Variants in ALDH1A3 observed in about 807,000 individuals in gnomAD.
ALDH1A3 encodes retinaldehyde dehydrogenase 3.
A neutral mutation model predicts 57.5 loss-of-function variants in ALDH1A3; 28 were observed. The ratio of observed to expected loss-of-function variants is 0.49; its 90% confidence interval spans 0.36 to 0.67. ALDH1A3 has a LOEUF of 0.67. ALDH1A3 is among the 30% of genes least tolerant of loss of function. The pLI is 0.00. For missense variants in ALDH1A3, 507 were observed against 669.4 expected, an observed-to-expected ratio of 0.76 and a Z score of 2.68; for synonymous variants, 281 against 264.8, an observed-to-expected ratio of 1.06 and a Z score of -0.59.
intron 1 of ALDH1A3, among the ~76,000 whole-genome samples, chr15:100,883,348 C>T (rs1019792645): frequency 6.6e-6 from 1 of 152,226 alleles, no homozygotes; most frequent in African/African-American, 2.4e-5. Context: ...CAAGTGATGA[C>T]TTGCTGGATG....
In ALDH1A3 at chr15:100,907,261, A is replaced by G. The variant is rs372614738; in HGVS notation, c.1374A>G (p.Leu458=). ...LDKALKLASA[L]ESGTVWINCY... Reference sequence around the variant, plus strand: ...AAGCCCTGAAGTTGGCTTCTGCCTTAGAGTCTGGAACGGTCTGGTGAGTTG... The same window carrying G: ...AAGCCCTGAAGTTGGCTTCTGCCTTGGAGTCTGGAACGGTCTGGTGAGTTG... The change falls in exon 11 of 13, where the codon TTA becomes TTG. Residue 458 remains leucine (L), a synonymous_variant. Coordinates refer to ENST00000329841, the MANE Select transcript of ALDH1A3 (RefSeq NM_000693.4). 97 of 1,614,130 alleles carry G rather than the reference A, an allele frequency of 6.0e-5. No homozygotes were observed. Among genetic ancestry groups the G allele is most frequent in the Non-Finnish European group, 7.2e-5 (85 of 1,180,038 alleles).
At chr15:100,912,884 C>T (rs1244717573) in intron 12 of ALDH1A3, among the ~76,000 whole-genome samples, 1 of 102,042 alleles carries the variant, frequency 9.8e-6, no homozygotes, top group African/African-American at 3.5e-5. Flanking sequence ...GTCGGCCGGG[C>T]GCGGTGGCTC....
At chr15:100,898,008 T>C in intron 7 of ALDH1A3, 75 bp from the exon 8 acceptor site, 2 of 1,415,288 alleles carry the variant, frequency 1.4e-6, no homozygotes, top group Non-Finnish European at 2.0e-6. Flanking sequence ...TTGATCAGAA[T>C]GTTCACTGAT....
intron 12 of ALDH1A3, among the ~76,000 whole-genome samples, chr15:100,910,615 G>C (rs1488733990): frequency 6.6e-6 from 1 of 152,242 alleles, no homozygotes; most frequent in Non-Finnish European, 1.5e-5. Flanking sequence ...AATGCTGGCA[G>C]CTTAGTCCTT....
Position 100,905,565 on chromosome 15 carries a change from A to T in ALDH1A3, c.1111A>T (p.Ser371Cys). The T allele has an allele frequency of 6.2e-7, 1 of 1,614,166 alleles. No individual in the cohort carries two copies. The highest frequency in any genetic ancestry group is 8.5e-7 in the Non-Finnish European group (1 of 1,180,014). The change falls in exon 10 of 13, where the codon AGT becomes TGT. Residue 371 changes from serine to cysteine, a missense_variant. Ser to Cys is a moderately radical substitution (Grantham distance 112). Around this residue, in one of 2 missense-constraint regions of ALDH1A3, gnomAD observed 432 missense variants for 608.4 expected, o/e 0.71. Coordinates refer to ENST00000329841, the MANE Select transcript of ALDH1A3 (RefSeq NM_000693.4). Reference sequence around the variant, plus strand: ...CGACAAAATCTTAGAGCTGATCGAGAGTGGGAAGAAGGAAGGGGCCAAGCT... The same window carrying T: ...CGACAAAATCTTAGAGCTGATCGAGTGTGGGAAGAAGGAAGGGGCCAAGCT... ...QFDKILELIE[S>C]GKKEGAKLEC...
chr15:100,887,053 A>G lies in ALDH1A3; in HGVS notation c.205-519A>G, dbSNP rs560054614. 5.2e-4 allele frequency among the ~76,000 whole-genome samples: 79 copies of G among 152,360 alleles called. No individual in the cohort carries two copies. The highest frequency in any genetic ancestry group is 8.8e-4 in the Non-Finnish European group (60 of 68,030). On this transcript the variant is annotated intron_variant, in intron 2 of 12. Transcript: ENST00000329841. The surrounding 1 kb of genome is among the most constrained non-coding windows in gnomAD (Gnocchi z 4.6). Reference sequence around the variant, plus strand: ...CCCTGAGAAAAATACTCTTTAGGAAATATTTTTAAATGCTTTTTATAATCA... The same window carrying G: ...CCCTGAGAAAAATACTCTTTAGGAAGTATTTTTAAATGCTTTTTATAATCA...
At chr15:100,902,127 T>A (rs2041775443) in intron 9 of ALDH1A3, among the ~76,000 whole-genome samples, 2 of 152,222 alleles carry the variant, frequency 1.3e-5, no homozygotes, top group African/African-American at 2.4e-5. Context: ...CTGATCCCCA[T>A]ACAGAAGAAA....
chr15:100,887,432 G>T lies in ALDH1A3; in HGVS notation c.205-140G>T, dbSNP rs937724073. ...CACTTCAAAAGATGACACCCAAACT[G>T]CAGTCACGTCAAAAGATGACACCCA... On this transcript the variant is annotated intron_variant, in intron 2 of 12. Transcript: ENST00000329841. The surrounding 1 kb of genome is among the most constrained non-coding windows in gnomAD (Gnocchi z 4.6). 2.1e-6 allele frequency: 2 copies of T among 964,862 alleles called. No homozygotes were observed. Among genetic ancestry groups the T allele is most frequent in the Non-Finnish European group, 3.0e-6 (2 of 669,862 alleles). 59.8% of individuals were successfully genotyped at this position (964,862 alleles called of 1,614,324 possible).
Position 100,906,863 on chromosome 15 carries a change from C to T in ALDH1A3, c.1234-258C>T, listed in dbSNP as rs894609701. Among the ~76,000 whole-genome samples, 2 of 152,202 alleles carry T rather than the reference C, an allele frequency of 1.3e-5. No individual in the cohort carries two copies. The highest frequency in any genetic ancestry group is 2.9e-5 in the Non-Finnish European group (2 of 68,050). On this transcript the variant is annotated intron_variant, in intron 10 of 12. Coordinates refer to ENST00000329841, the MANE Select transcript of ALDH1A3 (RefSeq NM_000693.4). This position sits in a 1 kb window ranked among gnomAD's most constrained non-coding sequence, Gnocchi z 4.8. ...CTGGGTTTCTCGGAAACCCTGATGA[C>T]AACAAGACATCTTAAACACAACATA...
At chr15:100,888,259 C>T (rs865816955) in intron 3 of ALDH1A3, among the ~76,000 whole-genome samples, 3 of 151,928 alleles carry the variant, frequency 2.0e-5, no homozygotes, top group African/African-American at 2.4e-5. Flanking sequence ...CCACCATGCC[C>T]GGCTAATTTT....
At chr15:100,883,936 A>T (rs1298073584) in intron 1 of ALDH1A3, among the ~76,000 whole-genome samples, 1 of 152,218 alleles carries the variant, frequency 6.6e-6, no homozygotes, top group Non-Finnish European at 1.5e-5. Context: ...CCCTTGAGGG[A>T]CGCAATTCTT....
rs1233913523 is a variant in ALDH1A3 at position 100,893,686 on chromosome 15, A to C, written c.538-268A>C. Reference sequence around the variant, plus strand: ...TGCCCATGGAGGCAGGGAGGAGGACACGTCTTCAGCAGATGTTTTAGAGGG... The same window carrying C: ...TGCCCATGGAGGCAGGGAGGAGGACCCGTCTTCAGCAGATGTTTTAGAGGG... On this transcript the variant is annotated intron_variant, in intron 5 of 12. Transcript: ENST00000329841. This position sits in a 1 kb window ranked among gnomAD's most constrained non-coding sequence, Gnocchi z 4.8. 2.9e-6 allele frequency: 1 copy of C among 342,488 alleles called. No individual in the cohort carries two copies. The highest frequency in any genetic ancestry group is 2.1e-5 in the African/African-American group (1 of 47,860). 21.2% of individuals were successfully genotyped at this position (342,488 alleles called of 1,614,324 possible).
At chr15:100,907,053 A>C in intron 10 of ALDH1A3, 68 bp from the exon 11 acceptor site, 43 of 1,539,828 alleles carry the variant, frequency 2.8e-5, no homozygotes, top group Non-Finnish European at 3.7e-5. Flanking sequence ...AGAGAAGGAA[A>C]TGCTTGTTCA....
In ALDH1A3 at chr15:100,914,806, A is replaced by G. The variant is rs754919104; in HGVS notation, c.*33A>G. On this transcript the variant is annotated 3_prime_UTR_variant, in exon 13 of 13. Coordinates refer to ENST00000329841, the MANE Select transcript of ALDH1A3 (RefSeq NM_000693.4). ...GCGGGGCTCCTTCCTCAAACATCGGACGGCGGAATGTGGCAGATGAAATGT... is the reference window on the plus strand; with the variant it reads ...GCGGGGCTCCTTCCTCAAACATCGGGCGGCGGAATGTGGCAGATGAAATGT... 1 of 1,603,862 alleles carries G rather than the reference A, an allele frequency of 6.2e-7. No individual in the cohort carries two copies. Among genetic ancestry groups the G allele is most frequent in the East Asian group, 2.2e-5 (1 of 44,848 alleles).
At chr15:100,914,150 T>G (rs2041908450) in intron 12 of ALDH1A3, 1 of 153,170 alleles carries the variant, frequency 6.5e-6, no homozygotes, top group Non-Finnish European at 1.5e-5. Flanking sequence ...CTGGCCTCAC[T>G]GCCTGACAGC....
At chr15:100,902,310 CCTT>C (rs2041778335) in intron 9 of ALDH1A3, among the ~76,000 whole-genome samples, 3 of 152,318 alleles carry the variant, frequency 2.0e-5, no homozygotes, top group Middle Eastern at 3.4e-3. Context: ...CGCTCAAAGT[CCTT>C]CTGAAAGCTC....
chr15:100,913,470 C>G (rs2041902343), intron 12 of ALDH1A3: 1 of 152,216 alleles, frequency 6.6e-6, no homozygotes, highest in South Asian at 2.1e-4. Flanking sequence ...AGCACTGCTG[C>G]TCTCTGAACC....
rs1003916909 is a variant in ALDH1A3, at chr15:100,915,934, T to G, written c.*1161T>G. 6.6e-6 allele frequency: 1 copy of G among 152,254 alleles called. No individual in the cohort carries two copies. Among genetic ancestry groups the G allele is most frequent in the Non-Finnish European group, 1.5e-5 (1 of 68,046 alleles). The allele number at this position is 152,254 out of a possible 1,614,324, so 9.4% of individuals were successfully genotyped here. The stretch of plus-strand genomic sequence containing the variant: ...CTCTTTGGGGATCCAAATGATGATG[T>G]GCAATTTCATGTTTTAACTTGGGAA... On this transcript the variant is annotated 3_prime_UTR_variant, in exon 13 of 13. Coordinates refer to ENST00000329841, the MANE Select transcript of ALDH1A3 (RefSeq NM_000693.4).
At chr15:100,888,110 T>C (rs28731371) in intron 3 of ALDH1A3, among the ~76,000 whole-genome samples, 1,700 of 152,216 alleles carry the variant, frequency 0.011, 31 homozygotes, top group African/African-American at 0.025. Flanking sequence ...ATTTTATTTA[T>C]TTTTTTGAGA....
Sources: gnomAD v4.1 joint callset for allele counts (sites outside exome capture counted in the v4.1 genomes callset) on GRCh38, gnomAD v4.1.1 for gene constraint, gnomAD v4.1.1 regional missense constraint, Gnocchi (gnomAD v3.1) non-coding constraint, MANE v1.5 for transcripts, NCBI Gene and HGNC (gene_info 2026-07-23, HGNC 2026-07-21) for gene names.